LDLRAD4: variants seen among roughly 807,000 people sequenced by gnomAD.
The protein encoded by LDLRAD4 is low density lipoprotein receptor class A domain containing 4.
A neutral mutation model predicts 17.0 loss-of-function variants in LDLRAD4; 5 were observed. The ratio of observed to expected loss-of-function variants is 0.29; its 90% confidence interval spans 0.15 to 0.62. The LOEUF (loss-of-function observed/expected upper bound fraction) is 0.62. LDLRAD4 is among the 20% of genes least tolerant of loss of function. LDLRAD4 has a pLI of 0.84. For synonymous variants in LDLRAD4, 168 were observed against 171.8 expected (o/e 0.98, Z 0.17); for missense variants, 340 against 424.7 (o/e 0.80, Z 1.75).
At chr18:13,338,842 T>G (rs1413029666) in intron 1 of LDLRAD4, among the ~76,000 whole-genome samples, 1 of 152,204 alleles carries the variant, frequency 6.6e-6, no homozygotes, top group Non-Finnish European at 1.5e-5. Context: ...AAGATGATGC[T>G]GTTTTAAAAT....
intron 1 of LDLRAD4, among the ~76,000 whole-genome samples, chr18:13,270,421 G>A (rs959270009): frequency 2.3e-4 from 35 of 152,118 alleles, no homozygotes; most frequent in African/African-American, 7.7e-4. Context: ...CACTACAGAT[G>A]TGTAGAGTCT....
At chr18:13,562,299 G>C (rs928494489) in intron 3 of LDLRAD4, among the ~76,000 whole-genome samples, 2 of 152,222 alleles carry the variant, frequency 1.3e-5, no homozygotes, top group African/African-American at 4.8e-5. Flanking sequence ...CGGTGACCCA[G>C]ACTGGCCACC....
At chr18:13,616,112 C>T (rs1247289394) in intron 3 of LDLRAD4, 2 of 152,212 alleles carry the variant, frequency 1.3e-5, no homozygotes, top group Admixed American at 6.5e-5. Flanking sequence ...GAAACCCAAA[C>T]CCCAGGTGTC....
In LDLRAD4 at chr18:13,359,021, C is replaced by G. The variant is rs915484260; in HGVS notation, c.-382-28320C>G. 3.3e-5 allele frequency among the ~76,000 whole-genome samples: 5 copies of G among 152,156 alleles called. No individual in the cohort carries two copies. The East Asian group carries it at 9.6e-4, about 29-fold the overall frequency. The stretch of plus-strand genomic sequence containing the variant: ...TGTGATGTACACCAGTAATATCAGG[C>G]GGCTGAAAACCAACAGAATCCCACC... On this transcript the variant is annotated intron_variant, in intron 1 of 5. Transcript: ENST00000359446.
At chr18:13,319,889 A>G (rs186856711) in intron 1 of LDLRAD4, among the ~76,000 whole-genome samples, 1 of 152,344 alleles carries the variant, frequency 6.6e-6, no homozygotes, top group East Asian at 1.9e-4. Flanking sequence ...GTCATGAGAC[A>G]TTACTTGAGG....
chr18:13,562,536 ACAGT>A (rs2094552345), intron 3 of LDLRAD4, among the ~76,000 whole-genome samples: 1 of 152,204 alleles, frequency 6.6e-6, no homozygotes, highest in African/African-American at 2.4e-5. Context: ...ACTGATGATG[ACAGT>A]CAGGCTCACA....
intron 3 of LDLRAD4, among the ~76,000 whole-genome samples, chr18:13,590,452 G>A (rs1048240295): frequency 1.3e-5 from 2 of 152,174 alleles, no homozygotes; most frequent in East Asian, 1.9e-4. Flanking sequence ...GAAACATGGC[G>A]CATGTGAGCA....
At chr18:13,247,360 ACG>A (rs1208389600) in intron 1 of LDLRAD4, among the ~76,000 whole-genome samples, 1 of 152,218 alleles carries the variant, frequency 6.6e-6, no homozygotes, top group Non-Finnish European at 1.5e-5. Context: ...TAAGAAATTA[ACG>A]TTGGTAGAAA....
At chr18:13,612,081 G>A in intron 3 of LDLRAD4, 1 of 985,586 alleles carries the variant, frequency 1.0e-6, no homozygotes, top group Non-Finnish European at 1.2e-6. Context: ...GCCCTCTCCG[G>A]TCCTTCCACA....
intron 3 of LDLRAD4, among the ~76,000 whole-genome samples, chr18:13,566,322 C>T (rs561225969): frequency 9.3e-5 from 14 of 151,296 alleles, no homozygotes; most frequent in African/African-American, 2.7e-4. Context: ...TTCAGCACAA[C>T]GGGCATGAGT....
chr18:13,387,777 G>T lies in LDLRAD4; in HGVS notation c.40+15G>T, dbSNP rs761918660. ...TGCTTTCACAGGTGAGCATGCTCCA[G>T]GTAATCCGAGGCTTTGCCTCCACTC... On this transcript the variant is annotated intron_variant, in intron 2 of 5. Coordinates refer to ENST00000359446, the Ensembl canonical transcript of LDLRAD4. The T allele has an allele frequency of 1.9e-6, 3 of 1,612,352 alleles. No homozygotes were observed. Among genetic ancestry groups the T allele is most frequent in the Non-Finnish European group, 2.5e-6 (3 of 1,178,536 alleles).
intron 1 of LDLRAD4, among the ~76,000 whole-genome samples, chr18:13,308,118 C>T (rs1336325797): frequency 1.3e-5 from 2 of 152,166 alleles, no homozygotes; most frequent in African/African-American, 2.4e-5. Flanking sequence ...CTCCACCCTT[C>T]ATCAAGCCCA....
chr18:13,411,726 T>C (rs1284994860), intron 2 of LDLRAD4, among the ~76,000 whole-genome samples: 1 of 152,256 alleles, frequency 6.6e-6, no homozygotes, highest in Non-Finnish European at 1.5e-5. Context: ...TAAACCTCTT[T>C]CCTTTATAAA....
intron 1 of LDLRAD4, among the ~76,000 whole-genome samples, chr18:13,346,368 T>G (rs1231931365): frequency 2.6e-5 from 4 of 152,244 alleles, no homozygotes; most frequent in Non-Finnish European, 5.9e-5. Flanking sequence ...TTGTTCAGTT[T>G]CCATGTAGTT....
At chr18:13,651,692 G>A (rs374617437) in exon 6 of LDLRAD4, 1 of 152,180 alleles carries the variant, frequency 6.6e-6, no homozygotes, top group South Asian at 2.1e-4. Flanking sequence ...TGAATCTTGG[G>A]TGTGGGCATC....
chr18:13,356,970 CTAAAAAT>C (rs1172399274), intron 1 of LDLRAD4, among the ~76,000 whole-genome samples: 7 of 152,084 alleles, frequency 4.6e-5, no homozygotes, highest in African/African-American at 1.7e-4. Context: ...CTTGTCTCTA[CTAAAAAT>C]ACAAAAATTA....
At chr18:13,481,560 CCT>C (rs1373019531) in intron 3 of LDLRAD4, among the ~76,000 whole-genome samples, 2 of 152,162 alleles carry the variant, frequency 1.3e-5, no homozygotes, top group East Asian at 3.9e-4. Flanking sequence ...AGACTGGGCC[CCT>C]GTTGTCACTG....
chr18:13,591,416 A>ATGTGTG (rs372202447), intron 3 of LDLRAD4, among the ~76,000 whole-genome samples: 4 of 138,380 alleles, frequency 2.9e-5, no homozygotes, highest in Non-Finnish European at 6.3e-5. Context: ...ATGTGTGTGT[A>ATGTGTG]TGTGTGTGTG....
intron 2 of LDLRAD4, among the ~76,000 whole-genome samples, chr18:13,395,091 T>A (rs1439662398): frequency 1.3e-5 from 2 of 152,184 alleles, no homozygotes; most frequent in African/African-American, 4.8e-5. Flanking sequence ...CCCCAGTTCC[T>A]GCTCTGTGAC....
Sources: allele counts gnomAD v4.1 joint callset (sites outside exome capture counted in the v4.1 genomes callset), GRCh38; gene constraint gnomAD v4.1.1; transcripts MANE v1.5; gene names NCBI Gene and HGNC (gene_info 2026-07-23, HGNC 2026-07-21).